The following ENPEP variants were observed in gnomAD, a reference collection of about 807,000 sequenced individuals.
ENPEP encodes AP-A.
In ENPEP, 103 loss-of-function variants were observed where a neutral mutation model predicts 114.5. That is an observed-to-expected ratio of 0.90 (90% CI 0.77 to 1.06). ENPEP has a LOEUF of 1.06. ENPEP is among the 50% of genes least tolerant of loss of function. The probability of loss-of-function intolerance (pLI) is 0.00; values close to 1 mark genes in which losing one functional copy is unlikely to be tolerated. For missense variants in ENPEP, 1,196 were observed against 1,161.3 expected (o/e 1.03, Z -0.43); for synonymous variants, 420 against 422.0 (o/e 1.00, Z 0.06).
chr4:110,501,682 T>C (rs1725162781), intron 3 of ENPEP, among the ~76,000 whole-genome samples: 1 of 152,248 alleles, frequency 6.6e-6, no homozygotes, highest in South Asian at 2.1e-4. Context: ...TCCAGTCTAC[T>C]GTTGATGAAA....
At chr4:110,516,556 C>G (rs1422758603) in intron 8 of ENPEP, among the ~76,000 whole-genome samples, 2 of 152,006 alleles carry the variant, frequency 1.3e-5, no homozygotes, top group African/African-American at 4.8e-5. Context: ...GAGAAATGCC[C>G]CCTGCTGGCT....
At position 110,513,425 on chromosome 4, in the gene ENPEP, T is replaced by G; in HGVS notation, c.1319T>G (p.Met440Arg). The change falls in exon 7 of 20, where the codon ATG becomes AGG. Residue 440 changes from methionine (M) to arginine (R), a missense_variant. Physicochemically the swap from Met to Arg is moderately conservative, Grantham distance 91 (BLOSUM62 -1). Coordinates refer to ENST00000265162, the MANE Select transcript of ENPEP (RefSeq NM_001977.4). The stretch of plus-strand genomic sequence containing the variant: ...ATTCTTTCATTTCAGCGTGACCAAA[T>G]GTTACTTGAAGATGTATTACCTGTT... The part of the protein sequence containing the change: ...AETDWQMRDQ[M>R]LLEDVLPVQE... 1 of 1,611,396 alleles carries G rather than the reference T, an allele frequency of 6.2e-7. No individual in the cohort carries two copies. The highest frequency in any genetic ancestry group is 8.5e-7 in the Non-Finnish European group (1 of 1,178,844).
intron 3 of ENPEP, among the ~76,000 whole-genome samples, chr4:110,495,452 G>T (rs2110341561): frequency 6.6e-6 from 1 of 152,276 alleles, no homozygotes; most frequent in Non-Finnish European, 1.5e-5. Flanking sequence ...CGGGCGCGGT[G>T]GCTCATGCCT....
At chr4:110,482,035 G>T (rs148628786) in intron 1 of ENPEP, among the ~76,000 whole-genome samples, 124 of 152,250 alleles carry the variant, frequency 8.1e-4, no homozygotes, top group African/African-American at 2.9e-3. Context: ...TATCACTGAG[G>T]AAAACCCTTA....
chr4:110,504,907 T>C (rs1725315511), intron 3 of ENPEP, among the ~76,000 whole-genome samples: 1 of 152,220 alleles, frequency 6.6e-6, no homozygotes, highest in Non-Finnish European at 1.5e-5. Flanking sequence ...CAACTTCTTT[T>C]ACAATTCTCT....
chr4:110,527,814 C>T (rs1256729092), intron 10 of ENPEP, among the ~76,000 whole-genome samples: 1 of 152,164 alleles, frequency 6.6e-6, no homozygotes, highest in Non-Finnish European at 1.5e-5. Flanking sequence ...GTTACTTCCT[C>T]TCATATGTAT....
At chr4:110,519,921 T>C (rs926660203) in intron 8 of ENPEP, 87 bp from the exon 9 acceptor site, 181 of 1,205,450 alleles carry the variant, frequency 1.5e-4, no homozygotes, top group Non-Finnish European at 1.0e-4. Flanking sequence ...GGAGGTAGAA[T>C]TGAGTAGCAG....
chr4:110,490,256 C>G (rs1329772706), intron 2 of ENPEP, among the ~76,000 whole-genome samples: 2 of 152,144 alleles, frequency 1.3e-5, no homozygotes, highest in Non-Finnish European at 2.9e-5. Context: ...GTAATGTAGC[C>G]TGGAGCCCCA....
At chr4:110,492,513 T>C (rs995285145) in intron 3 of ENPEP, among the ~76,000 whole-genome samples, 1 of 152,204 alleles carries the variant, frequency 6.6e-6, no homozygotes, top group Non-Finnish European at 1.5e-5. Context: ...GCATGCTGCC[T>C]ATACCGTATA....
intron 3 of ENPEP, among the ~76,000 whole-genome samples, chr4:110,505,229 A>G (rs1309984270): frequency 1.3e-5 from 2 of 152,212 alleles, no homozygotes; most frequent in Non-Finnish European, 2.9e-5. Flanking sequence ...ATTGTTCACA[A>G]AGAGGACAGG....
At position 110,558,399 on chromosome 4, in the gene ENPEP, C is replaced by A. The variant is rs190515064; in HGVS notation, c.2643-1248C>A. Among the ~76,000 whole-genome samples, 388 of 151,616 alleles carry A rather than the reference C, an allele frequency of 2.6e-3. 1 individual carries two copies. The highest frequency in any genetic ancestry group is 8.8e-3 in the African/African-American group (365 of 41,322). On this transcript the variant is annotated intron_variant, in intron 18 of 19. Transcript: ENST00000265162. ...ACCTCCCCAGTTCAAGCGATCCTCC[C>A]GCCTCAGCCCCTAAAGTAGCTGGGA...
intron 18 of ENPEP, among the ~76,000 whole-genome samples, chr4:110,557,453 A>G (rs1238018357): frequency 6.6e-6 from 1 of 152,230 alleles, no homozygotes; most frequent in Non-Finnish European, 1.5e-5. Flanking sequence ...AGGGACTAAC[A>G]TAAGGGAACA....
At chr4:110,526,143 G>A (rs957448250) in intron 10 of ENPEP, among the ~76,000 whole-genome samples, 25 of 152,016 alleles carry the variant, frequency 1.6e-4, no homozygotes, top group Non-Finnish European at 1.5e-5. Flanking sequence ...GGGCATGGTA[G>A]CACACACCTG....
intron 1 of ENPEP, among the ~76,000 whole-genome samples, chr4:110,477,713 A>T (rs571131491): frequency 2.0e-5 from 3 of 152,160 alleles, no homozygotes; most frequent in Non-Finnish European, 4.4e-5. Context: ...GCATAGGTAA[A>T]TTTGGAGGCT....
Position 110,476,759 on chromosome 4 carries a change from C to T in ENPEP, c.345C>T (p.Tyr115=), listed in dbSNP as rs1274931887. The change falls in exon 1 of 20, where the codon TAC becomes TAT. Residue 115 remains tyrosine (Y), a synonymous_variant. Coordinates refer to ENST00000265162, the MANE Select transcript of ENPEP (RefSeq NM_001977.4). ...AGCCCCTGTTGGAGGAGGACACCTA[C>T]ACGGGCACCGTGAGCATCTCCATCA... ...HVKPLLEEDT[Y]TGTVSISINL... is the part of the protein sequence containing the mutation. The T allele has an allele frequency of 6.2e-7, 1 of 1,614,216 alleles. No individual in the cohort carries two copies. Among genetic ancestry groups the T allele is most frequent in the South Asian group, 1.1e-5 (1 of 91,088 alleles).
Position 110,506,687 on chromosome 4 carries a change from A to G in ENPEP, c.969A>G (p.Ala323=). ...PEQKHTAEYA[A]NITKSVFDYF... ...AAAAGCACACAGCCGAATATGCTGC[A>G]AACATAACTAAAAGTGTGTTTGATT... Residue 323 remains alanine, a synonymous_variant, in exon 4 of 20, where the codon GCA becomes GCG. Coordinates refer to ENST00000265162, the MANE Select transcript of ENPEP (RefSeq NM_001977.4). 1 of 1,612,752 alleles carries G rather than the reference A, an allele frequency of 6.2e-7. No individual in the cohort carries two copies. The highest frequency in any genetic ancestry group is 8.5e-7 in the Non-Finnish European group (1 of 1,179,114).
intron 3 of ENPEP, among the ~76,000 whole-genome samples, chr4:110,503,770 C>T (rs912981394): frequency 5.3e-5 from 8 of 152,220 alleles, no homozygotes; most frequent in Admixed American, 3.3e-4. Flanking sequence ...TTTCAGAGGA[C>T]GAAGTGTTTG....
At chr4:110,535,235 A>G (rs184505158) in intron 11 of ENPEP, among the ~76,000 whole-genome samples, 5 of 152,302 alleles carry the variant, frequency 3.3e-5, no homozygotes, top group Admixed American at 3.3e-4. Context: ...GGACTCTACA[A>G]TAGCTGTTTT....
At chr4:110,554,384 T>G (rs1727396219) in intron 18 of ENPEP, among the ~76,000 whole-genome samples, 1 of 152,060 alleles carries the variant, frequency 6.6e-6, no homozygotes, top group African/African-American at 2.4e-5. Context: ...CATTTACATT[T>G]CTTTTCCTGC....
Sources: allele counts gnomAD v4.1 joint callset (sites outside exome capture counted in the v4.1 genomes callset), GRCh38; gene constraint gnomAD v4.1.1; transcripts MANE v1.5; gene names NCBI Gene and HGNC (gene_info 2026-07-23, HGNC 2026-07-21).